Variants in SDK2 observed in about 807,000 individuals in gnomAD.
The protein encoded by SDK2 is sidekick cell adhesion molecule 2, also known as protein sidekick-2.
A neutral mutation model predicts 253.9 loss-of-function variants in SDK2; 105 were observed. The observed-to-expected ratio is 0.41, with a 90% CI of 0.35 to 0.49. The LOEUF is 0.49. Among genes scored for constraint, SDK2 ranks in the 20% least tolerant of loss-of-function variants. The pLI, the probability that SDK2 is intolerant of heterozygous loss-of-function variation, is 0.06. For missense variants in SDK2, 2,608 were observed against 3,003.0 expected, an observed-to-expected ratio of 0.87 and a Z score of 3.07; for synonymous variants, 1,249 against 1,234.9, an observed-to-expected ratio of 1.01 and a Z score of -0.24.
Position 73,472,162 on chromosome 17 carries a change from C to G in SDK2, c.281G>C (p.Arg94Pro). 6.4e-7 allele frequency: 1 copy of G among 1,551,658 alleles called. No individual in the cohort carries two copies. Among genetic ancestry groups the G allele is most frequent in the Non-Finnish European group, 8.7e-7 (1 of 1,146,994 alleles). The part of the protein sequence containing the change: ...THAGFYRCIV[R>P]NRMGALLQRQ... ...CTGCAGCAGGGCCCCCATTCGGTTC[C>G]GCACGATGCAACGGTAAAAGCCAGC... The change falls in exon 3 of 45, where the codon CGG (arginine) becomes CCG (proline). Residue 94 changes from arginine to proline, a missense_variant. Arg to Pro is a moderately radical substitution (Grantham distance 103, BLOSUM62 -2). Coordinates refer to ENST00000392650, the MANE Select transcript of SDK2 (RefSeq NM_001144952.2).
chr17:73,508,426 T>G (rs1011957617), intron 1 of SDK2, among the ~76,000 whole-genome samples: 1 of 151,950 alleles, frequency 6.6e-6, no homozygotes, highest in Non-Finnish European at 1.5e-5. Flanking sequence ...TGGACATGAG[T>G]GTACACAAGG....
intron 1 of SDK2, among the ~76,000 whole-genome samples, chr17:73,539,492 G>A (rs2044831349): frequency 6.6e-6 from 1 of 151,240 alleles, no homozygotes; most frequent in Non-Finnish European, 1.5e-5. Flanking sequence ...GATGGGGAGA[G>A]GAGAGAGGGA....
intron 2 of SDK2, among the ~76,000 whole-genome samples, chr17:73,493,802 C>T (rs1185129493): frequency 6.6e-6 from 1 of 152,216 alleles, no homozygotes; most frequent in Non-Finnish European, 1.5e-5. Context: ...ACATCCAGAG[C>T]TGTGCATGGG....
chr17:73,531,915 C>T (rs1332174186), intron 1 of SDK2, among the ~76,000 whole-genome samples: 1 of 152,198 alleles, frequency 6.6e-6, no homozygotes, highest in Non-Finnish European at 1.5e-5. Flanking sequence ...CCACCAGCTT[C>T]TCCTGGACAC....
intron 1 of SDK2, among the ~76,000 whole-genome samples, chr17:73,621,555 T>C (rs969258440): frequency 1.3e-5 from 2 of 152,058 alleles, no homozygotes; most frequent in South Asian, 2.1e-4. Context: ...TAGTAAATAA[T>C]AGTAAATCTT....
intron 41 of SDK2, 134 bp from the exon 42 acceptor site, chr17:73,350,924 C>T (rs2062532313): frequency 1.1e-6 from 1 of 895,926 alleles, no homozygotes; most frequent in South Asian, 1.8e-5. Context: ...TGAGGCAGAA[C>T]CTCTGTAAGG....
chr17:73,469,990 G>GCA (rs1555585147), intron 3 of SDK2, among the ~76,000 whole-genome samples: 5,973 of 105,032 alleles, frequency 0.057, 122 homozygotes, highest in Admixed American at 0.071. Flanking sequence ...CTGCGCGCGC[G>GCA]CGCACACACA....
intron 4 of SDK2, among the ~76,000 whole-genome samples, chr17:73,448,639 C>T (rs940311953): frequency 3.4e-4 from 51 of 151,780 alleles, no homozygotes; most frequent in African/African-American, 1.2e-3. Context: ...GTTGGGATTA[C>T]AGGCGTGAGC....
At chr17:73,429,020 C>T (rs755491754) in intron 12 of SDK2, among the ~76,000 whole-genome samples, 2 of 152,090 alleles carry the variant, frequency 1.3e-5, no homozygotes, top group Admixed American at 6.6e-5. Context: ...AAGAGACCCC[C>T]GAATCCCATT....
In SDK2 at chr17:73,401,888, C is replaced by T. The variant is rs1268583201; in HGVS notation, c.2680+58G>A. On this transcript the variant is annotated intron_variant, in intron 19 of 44. Coordinates refer to ENST00000392650, the MANE Select transcript of SDK2 (RefSeq NM_001144952.2). ...GCCTGGGCCACCCTTCTGCCTGGGGCGCCCAGCCTGGCCTTGGGCGGGGGG... is the reference window on the plus strand; with the variant it reads ...GCCTGGGCCACCCTTCTGCCTGGGGTGCCCAGCCTGGCCTTGGGCGGGGGG... 3.5e-6 allele frequency: 5 copies of T among 1,423,888 alleles called. No individual in the cohort carries two copies. The South Asian group carries it at 5.1e-5, about 14-fold the overall frequency. The allele number at this position is 1,423,888 out of a possible 1,614,324, so 88.2% of individuals were successfully genotyped here.
rs147196725 is a variant in SDK2 at position 73,618,178 on chromosome 17, G to C, written c.64+25847C>G. Among the ~76,000 whole-genome samples, 28 of 152,308 alleles carry C rather than the reference G, an allele frequency of 1.8e-4. No individual in the cohort carries two copies. The highest frequency in any genetic ancestry group is 3.4e-3 in the Middle Eastern group (1 of 294). ...CCTGCAGGTAGGGAAATGGTAATTT[G>C]CTAACCCAAACCCATTCATTAGCCT... On this transcript the variant is annotated intron_variant, in intron 1 of 44. Coordinates refer to ENST00000392650, the MANE Select transcript of SDK2 (RefSeq NM_001144952.2). This position sits in a 1 kb window ranked among gnomAD's most constrained non-coding sequence, Gnocchi z 4.1.
intron 2 of SDK2, among the ~76,000 whole-genome samples, chr17:73,484,739 T>C (rs1238975486): frequency 6.6e-6 from 1 of 152,224 alleles, no homozygotes; most frequent in Admixed American, 6.5e-5. Context: ...CCCCAGGTGT[T>C]CCTTGGCTTG....
At chr17:73,390,752 G>A (rs1354012584) in intron 28 of SDK2, among the ~76,000 whole-genome samples, 2 of 152,212 alleles carry the variant, frequency 1.3e-5, no homozygotes, top group South Asian at 2.1e-4. Context: ...AGAAACTGAG[G>A]CCCGGAGAGG....
At chr17:73,424,636 T>A (rs1460352777) in intron 12 of SDK2, among the ~76,000 whole-genome samples, 8 of 152,176 alleles carry the variant, frequency 5.3e-5, no homozygotes, top group Non-Finnish European at 8.8e-5. Flanking sequence ...ATAAAAAATA[T>A]CTTCTCTGAA....
rs1189412599 is a variant in SDK2 at position 73,618,944 on chromosome 17, A to G, written c.64+25081T>C. Among the ~76,000 whole-genome samples the G allele has an allele frequency of 6.6e-6, 1 of 152,182 alleles. No individual in the cohort carries two copies. Among genetic ancestry groups the G allele is most frequent in the Non-Finnish European group, 1.5e-5 (1 of 68,034 alleles). ...CACTTTGGGAGGCCAAGGCGGGTGG[A>G]TCACTTGAGGTCAGGAGTTTGAGAC... On this transcript the variant is annotated intron_variant, in intron 1 of 44. Transcript: ENST00000392650. This position sits in a 1 kb window ranked among gnomAD's most constrained non-coding sequence, Gnocchi z 4.1.
At chr17:73,569,293 G>A (rs2045350959) in intron 1 of SDK2, among the ~76,000 whole-genome samples, 1 of 151,656 alleles carries the variant, frequency 6.6e-6, no homozygotes, top group Non-Finnish European at 1.5e-5. Context: ...CGCCTCCCAG[G>A]TTCAAGTGAT....
intron 37 of SDK2, 26 bp downstream of exon 37, chr17:73,368,381 C>T: frequency 6.8e-7 from 1 of 1,463,158 alleles, no homozygotes; most frequent in Non-Finnish European, 9.1e-7. Flanking sequence ...ACCTACCCCT[C>T]CCCTCCTCAG....
At chr17:73,430,411 T>C in intron 12 of SDK2, 100 bp downstream of exon 12, 1 of 874,306 alleles carries the variant, frequency 1.1e-6, no homozygotes, top group Non-Finnish European at 1.8e-6. Flanking sequence ...GGCGTGGCTC[T>C]GCAGCTGTTA....
rs1342976098 is a variant in SDK2 at position 73,438,025 on chromosome 17, C to T, written c.855G>A (p.Glu285=). 3 of 1,551,620 alleles carry T rather than the reference C, an allele frequency of 1.9e-6. No homozygotes were observed. The highest frequency in any genetic ancestry group is 1.4e-5 in the African/African-American group (1 of 73,184). Residue 285 remains glutamate, a synonymous_variant, in exon 7 of 45, where the codon GAG becomes GAA. Coordinates refer to ENST00000392650, the MANE Select transcript of SDK2 (RefSeq NM_001144952.2). ...GGACGCTGCTGCTGCGCAGGACAGC[C>T]TCACACTCGTAGTAGCCGGCGTCAC... The part of the protein sequence containing the change: ...TGSDAGYYEC[E]AVLRSSSVPS...
Sources: gnomAD v4.1 joint callset for allele counts (sites outside exome capture counted in the v4.1 genomes callset) on GRCh38, gnomAD v4.1.1 for gene constraint, Gnocchi (gnomAD v3.1) non-coding constraint, MANE v1.5 for transcripts, NCBI Gene and HGNC (gene_info 2026-07-23, HGNC 2026-07-21) for gene names.